Variants in ESYT1 observed in about 807,000 individuals in gnomAD.
ESYT1 encodes extended synaptotagmin 1.
A neutral mutation model predicts 154.2 loss-of-function variants in ESYT1; 116 were observed. That is an observed-to-expected ratio of 0.75 (90% CI 0.65 to 0.88). The LOEUF (loss-of-function observed/expected upper bound fraction) is 0.88, where lower values mean the gene tolerates loss of function less well. Ranked by LOEUF, ESYT1 falls within the 40% of genes least tolerant of loss-of-function variation. ESYT1 has a pLI of 0.00. For missense variants in ESYT1, 1,264 were observed against 1,379.3 expected (o/e 0.92, Z 1.32); for synonymous variants, 500 against 539.9 (o/e 0.93, Z 1.02).
At position 56,130,978 on chromosome 12, in the gene ESYT1, C is replaced by T. The variant is rs778471326; in HGVS notation, c.567+53C>T. ...GGTAGGCTAGGGAGGGTGAGTGGCCCGGAGTAGACTCAGGTACTTCTCCCT... is the reference window on the plus strand; with the variant it reads ...GGTAGGCTAGGGAGGGTGAGTGGCCTGGAGTAGACTCAGGTACTTCTCCCT... On this transcript the variant is annotated intron_variant, in intron 3 of 30. Transcript: ENST00000394048. 26 of 1,613,934 alleles carry T rather than the reference C, an allele frequency of 1.6e-5. No individual in the cohort carries two copies. The African/African-American group carries it at 2.3e-4, about 14-fold the overall frequency.
Position 56,143,648 on chromosome 12 carries a change from G to C in ESYT1, c.3275+19G>C. ...CCCGGTGGTGAGTGTCTGCGTGGGT[G>C]GGGGATGGTCTGGATATTTCAGTGG... On this transcript the variant is annotated intron_variant, in intron 30 of 30. Transcript: ENST00000394048. 1.2e-6 allele frequency: 2 copies of C among 1,613,656 alleles called. No homozygotes were observed. Among genetic ancestry groups the C allele is most frequent in the Non-Finnish European group, 8.5e-7 (1 of 1,179,856 alleles).
At chr12:56,141,621 T>G (rs993216357) in intron 24 of ESYT1, among the ~76,000 whole-genome samples, 1 of 152,160 alleles carries the variant, frequency 6.6e-6, no homozygotes, top group Non-Finnish European at 1.5e-5. Flanking sequence ...ACACCTGTAG[T>G]CCCAGCTACT....
In ESYT1 at chr12:56,131,697, G is replaced by A. The variant is rs1870241386; in HGVS notation, c.805-52G>A. ...GAGGGGTTCTGGCAACTGTTTGATG[G>A]GTATGACCACACCCCATAGGATCTG... On this transcript the variant is annotated intron_variant, in intron 6 of 30. Coordinates refer to ENST00000394048, the MANE Select transcript of ESYT1 (RefSeq NM_015292.3). 1.9e-6 allele frequency: 3 copies of A among 1,610,908 alleles called. No individual in the cohort carries two copies. In the South Asian group the frequency reaches 3.3e-5, roughly 18 times the overall value.
In ESYT1 at chr12:56,143,275, A is replaced by G. The variant is rs1412897166; in HGVS notation, c.3167A>G (p.Asp1056Gly). ...GATGAGGCCCAGAGACGAAAGCTGGATGTCTCTGTCAAGTCTAATTCCTCC... is the reference window on the plus strand; with the variant it reads ...GATGAGGCCCAGAGACGAAAGCTGGGTGTCTCTGTCAAGTCTAATTCCTCC... Reference protein sequence around the residue: ...PLDEAQRRKLDVSVKSNSSFM... With the variant: ...PLDEAQRRKLGVSVKSNSSFM... Residue 1056 changes from aspartate to glycine, a missense_variant, in exon 29 of 31, where the codon GAT becomes GGT. By Grantham distance (94) the Asp-to-Gly change is moderately conservative. Transcript: ENST00000394048. 1 of 1,614,168 alleles carries G rather than the reference A, an allele frequency of 6.2e-7. No individual in the cohort carries two copies. The highest frequency in any genetic ancestry group is 8.5e-7 in the Non-Finnish European group (1 of 1,180,018).
At chr12:56,140,561 A>G (rs1220102515) in intron 24 of ESYT1, among the ~76,000 whole-genome samples, 1 of 151,778 alleles carries the variant, frequency 6.6e-6, no homozygotes, top group Non-Finnish European at 1.5e-5. Flanking sequence ...ACGGGGTTTC[A>G]CCATGTTGGT....
chr12:56,133,466 G>A lies in ESYT1; in HGVS notation c.1293+1G>A. The A allele has an allele frequency of 3.1e-6, 5 of 1,614,236 alleles. No individual in the cohort carries two copies. The highest frequency in any genetic ancestry group is 4.2e-6 in the Non-Finnish European group (5 of 1,180,040). ...GTTACAGGCTAGCGTTCTGGATGAT[G>A]TAAGTTGGGAGAAGAGGAAGGTGGG... On this transcript the variant is annotated splice_donor_variant, in intron 11 of 30. Transcript: ENST00000394048. LOFTEE classifies it high-confidence loss of function.
At chr12:56,134,224 G>A in intron 14 of ESYT1, 43 bp downstream of exon 14, 1 of 1,606,500 alleles carries the variant, frequency 6.2e-7, no homozygotes, top group Non-Finnish European at 8.5e-7. Context: ...GTAGGACAGG[G>A]AGAGGCCTAT....
At chr12:56,133,510 G>A (rs1734035246) in intron 11 of ESYT1, 45 bp downstream of exon 11, 1 of 1,613,874 alleles carries the variant, frequency 6.2e-7, no homozygotes, top group South Asian at 1.1e-5. Context: ...TCACCCTTTG[G>A]GTAGATAGTA....
intron 24 of ESYT1, 28 bp downstream of exon 24, chr12:56,139,041 TAGC>T: frequency 6.3e-7 from 1 of 1,577,952 alleles, no homozygotes; most frequent in Non-Finnish European, 8.7e-7. Context: ...TTCAAATATT[TAGC>T]AGATTTCTGC....
chr12:56,129,858 C>T (rs1219515641), intron 1 of ESYT1, among the ~76,000 whole-genome samples: 1 of 152,170 alleles, frequency 6.6e-6, no homozygotes, highest in East Asian at 1.9e-4. Context: ...TTGCTTCCCT[C>T]TTCACCTTCC....
rs375719838 is a variant in ESYT1, at chr12:56,142,672, G to C, written c.2828G>C (p.Gly943Ala). ...AGTGAAGAACCAGAGCTCTCGGGGG[G>C]ACCCCCTCACATCACCTCCTCAGCC... ...SLSEEPELSG[G>A]PPHITSSAPE... is the part of the protein sequence containing the mutation. Residue 943 changes from glycine to alanine, a missense_variant, in exon 26 of 31, where the codon GGA (glycine) becomes GCA (alanine). Coordinates refer to ENST00000394048, the MANE Select transcript of ESYT1 (RefSeq NM_015292.3). The surrounding 1 kb of genome is among the most constrained non-coding windows in gnomAD (Gnocchi z 4.1). The C allele has an allele frequency of 1.2e-6, 2 of 1,614,028 alleles. No individual in the cohort carries two copies. The highest frequency in any genetic ancestry group is 1.1e-5 in the South Asian group (1 of 91,082).
At chr12:56,137,087 T>C in intron 16 of ESYT1, 131 bp from the exon 17 acceptor site, 1 of 1,346,322 alleles carries the variant, frequency 7.4e-7, no homozygotes, top group Non-Finnish European at 1.0e-6. Context: ...GAGGGAACCC[T>C]GTAGAGATGA....
intron 1 of ESYT1, 188 bp from the exon 2 acceptor site, chr12:56,130,394 A>G (rs149893545): frequency 3.0e-5 from 20 of 671,564 alleles, no homozygotes; most frequent in Non-Finnish European, 4.6e-5. Context: ...AGCTCCCCTT[A>G]TTAGAGAGAC....
At chr12:56,135,884 G>A (rs1157533722) in intron 15 of ESYT1, among the ~76,000 whole-genome samples, 18 of 145,166 alleles carry the variant, frequency 1.2e-4, no homozygotes, top group African/African-American at 3.3e-4. Context: ...GTGAGACTCC[G>A]TCTCAAAAAA....
rs568341425 is a variant in ESYT1 at position 56,138,019 on chromosome 12, T to A, written c.2199-7T>A. The A allele has an allele frequency of 1.3e-4, 212 of 1,614,162 alleles. 2 individuals are homozygous for A. In the South Asian group the frequency reaches 2.2e-3, roughly 17 times the overall value. ...CTAGCTTTTGTCTTAATCTTTCTCT[T>A]CAACAGGTGTAAAGTGCGTCTCACC... On this transcript the variant is annotated splice_region_variant and splice_polypyrimidine_tract_variant and intron_variant, in intron 19 of 30. Coordinates refer to ENST00000394048, the MANE Select transcript of ESYT1 (RefSeq NM_015292.3).
In ESYT1 at chr12:56,144,510, G is replaced by T. The variant is rs904354268; in HGVS notation, c.*648G>T. ...CATATCAGTCTTGGAGCTCCTAGCTGGTGATACGGAGAGGGCTTTGGAGGA... is the reference window on the plus strand; with the variant it reads ...CATATCAGTCTTGGAGCTCCTAGCTTGTGATACGGAGAGGGCTTTGGAGGA... On this transcript the variant is annotated 3_prime_UTR_variant, in exon 31 of 31. Coordinates refer to ENST00000394048, the MANE Select transcript of ESYT1 (RefSeq NM_015292.3). 3 of 985,734 alleles carry T rather than the reference G, an allele frequency of 3.0e-6. No homozygotes were observed. In the African/African-American group the frequency reaches 5.2e-5, roughly 17 times the overall value. The allele number at this position is 985,734 out of a possible 1,614,324, so 61.1% of individuals were successfully genotyped here. A position where few individuals can be genotyped will look rare whatever the true frequency, so the allele number is the denominator to read the frequency against.
Position 56,142,636 on chromosome 12 carries a change from C to G in ESYT1, c.2792C>G (p.Ser931Cys). The change falls in exon 26 of 31, where the codon TCC becomes TGC. Residue 931 changes from serine (S) to cysteine (C), a missense_variant. By Grantham distance (112) the Ser-to-Cys change is moderately radical. Coordinates refer to ENST00000394048, the MANE Select transcript of ESYT1 (RefSeq NM_015292.3). This position sits in a 1 kb window ranked among gnomAD's most constrained non-coding sequence, Gnocchi z 4.1. ...EAHSHSYSHSSSSLSEEPELS... is the reference protein window; with the variant it reads ...EAHSHSYSHSCSSLSEEPELS... Reference sequence around the variant, plus strand: ...CATAGCCACAGCTACAGCCACAGCTCCTCATCGCTGAGTGAAGAACCAGAG... The same window carrying G: ...CATAGCCACAGCTACAGCCACAGCTGCTCATCGCTGAGTGAAGAACCAGAG... The G allele has an allele frequency of 6.2e-7, 1 of 1,614,144 alleles. No homozygotes were observed.
At chr12:56,132,838 T>C in intron 10 of ESYT1, 37 bp downstream of exon 10, 1 of 1,593,820 alleles carries the variant, frequency 6.3e-7, no homozygotes. Flanking sequence ...AAGCCCATGC[T>C]GGCCAGGCAC....
chr12:56,134,303 C>T (rs1335237845), intron 14 of ESYT1, 39 bp from the exon 15 acceptor site: 1 of 1,602,898 alleles, frequency 6.2e-7, no homozygotes, highest in Non-Finnish European at 8.5e-7. Flanking sequence ...AGGAATGGTG[C>T]TGTGGTATAC....
Sources: allele counts gnomAD v4.1 joint callset (sites outside exome capture counted in the v4.1 genomes callset), GRCh38; gene constraint gnomAD v4.1.1; non-coding constraint Gnocchi (gnomAD v3.1); transcripts MANE v1.5; gene names NCBI Gene and HGNC (gene_info 2026-07-23, HGNC 2026-07-21).